YPEL1: variants seen among roughly 807,000 people sequenced by gnomAD.
The protein encoded by YPEL1 is protein yippee-like 1.
A neutral mutation model predicts 17.3 loss-of-function variants in YPEL1; 7 were observed. The observed-to-expected ratio is 0.40, with a 90% CI of 0.23 to 0.76. YPEL1 has a LOEUF of 0.76. Among genes scored for constraint, YPEL1 ranks in the 30% least tolerant of loss-of-function variants. The pLI is 0.35. For synonymous variants in YPEL1, 59 were observed against 59.6 expected (o/e 0.99, Z 0.05); for missense variants, 91 against 155.5 (o/e 0.59, Z 2.21).
chr22:21,712,343 A>C (rs2068174815), intron 1 of YPEL1, among the ~76,000 whole-genome samples: 1 of 145,812 alleles, frequency 6.9e-6, no homozygotes, highest in Non-Finnish European at 1.5e-5. Context: ...CATATTCTCT[A>C]TATATCCTAG....
In YPEL1 at chr22:21,703,608, C is replaced by G; in HGVS notation, c.162-130G>C. ...CAGGGAAACTCCCAGAGAGCAGTGC[C>G]GTGCCTCTCCCCCAGCCCTGCCCGC... On this transcript the variant is annotated intron_variant, in intron 3 of 4. Transcript: ENST00000339468. The surrounding 1 kb of genome is among the most constrained non-coding windows in gnomAD (Gnocchi z 6.1). The G allele has an allele frequency of 1.1e-6, 1 of 891,866 alleles. No individual in the cohort carries two copies. Among genetic ancestry groups the G allele is most frequent in the Non-Finnish European group, 1.7e-6 (1 of 579,288 alleles). 55.2% of individuals were successfully genotyped at this position (891,866 alleles called of 1,614,324 possible). A position where few individuals can be genotyped will look rare whatever the true frequency, so the allele number is the denominator to read the frequency against.
intron 1 of YPEL1, among the ~76,000 whole-genome samples, chr22:21,715,387 G>A (rs1402018068): frequency 1.3e-5 from 2 of 151,434 alleles, no homozygotes; most frequent in African/African-American, 2.4e-5. Flanking sequence ...CCAGCTACTC[G>A]GGAGGCTGAA....
intron 1 of YPEL1, among the ~76,000 whole-genome samples, 168 bp from the exon 2 acceptor site, chr22:21,711,076 T>C (rs1208647022): frequency 2.7e-5 from 4 of 150,352 alleles, no homozygotes; most frequent in African/African-American, 9.8e-5. Flanking sequence ...CAGGCTGGAG[T>C]GCAGTGGCGC....
At position 21,698,261 on chromosome 22, in the gene YPEL1, C is replaced by CAAAAAAAAAA. The variant is rs35100577; in HGVS notation, c.*2858_*2867dup. 3.2e-5 allele frequency: 4 copies of CAAAAAAAAAA among 123,156 alleles called. No homozygotes were observed. The highest frequency in any genetic ancestry group is 6.7e-5 in the Non-Finnish European group (4 of 59,892). 7.6% of individuals were successfully genotyped at this position (123,156 alleles called of 1,614,324 possible). On this transcript the variant is annotated 3_prime_UTR_variant, in exon 5 of 5. Coordinates refer to ENST00000339468, the MANE Select transcript of YPEL1 (RefSeq NM_013313.5). ...ATAAAAGTGTTGTTGGTATAAATTA[C>CAAAAAAAAAA]AAAAAAAAAAAAAAATACAAAAGTC...
At chr22:21,723,258 G>A (rs2148611832) in intron 1 of YPEL1, 1 of 152,442 alleles carries the variant, frequency 6.6e-6, no homozygotes, top group African/African-American at 2.4e-5. Flanking sequence ...GCAGTGGCGT[G>A]ATCTCGGCTC....
intron 2 of YPEL1, chr22:21,704,257 A>G: frequency 1.4e-6 from 1 of 705,016 alleles, no homozygotes; most frequent in South Asian, 1.5e-5. Flanking sequence ...CAGATCCTCA[A>G]AATGCTCTCC....
chr22:21,728,461 T>C (rs2068356669), intron 1 of YPEL1, among the ~76,000 whole-genome samples: 1 of 152,168 alleles, frequency 6.6e-6, no homozygotes, highest in South Asian at 2.1e-4. Context: ...CTGCTCACCA[T>C]ACAAGAATCG....
At chr22:21,704,257 A>C in intron 2 of YPEL1, 1 of 705,018 alleles carries the variant, frequency 1.4e-6, no homozygotes, top group South Asian at 1.5e-5. Flanking sequence ...CAGATCCTCA[A>C]AATGCTCTCC....
chr22:21,711,053 T>A (rs1442167478), intron 1 of YPEL1, 145 bp from the exon 2 acceptor site: 4 of 292,798 alleles, frequency 1.4e-5, no homozygotes, highest in Admixed American at 4.5e-5. Context: ...AGATGGAGTC[T>A]CACTCTGTTG....
rs568526236 is a variant in YPEL1, at chr22:21,708,898, T to G, written c.117+1730A>C. Among the ~76,000 whole-genome samples the G allele has an allele frequency of 2.0e-5, 3 of 152,066 alleles. No individual in the cohort carries two copies. The East Asian group carries it at 5.8e-4, about 29-fold the overall frequency. Reference sequence around the variant, plus strand: ...TGGTCAGGCTGGTCTGGTCTCAAACTCCTGACCTCAAGTGATCCGCCCACC... The same window carrying G: ...TGGTCAGGCTGGTCTGGTCTCAAACGCCTGACCTCAAGTGATCCGCCCACC... On this transcript the variant is annotated intron_variant, in intron 2 of 4. Transcript: ENST00000339468.
chr22:21,705,967 T>TA (rs1259299885), intron 2 of YPEL1, among the ~76,000 whole-genome samples: 7 of 151,524 alleles, frequency 4.6e-5, no homozygotes, highest in Non-Finnish European at 7.4e-5. Flanking sequence ...CCGTCTCTGA[T>TA]AAAAATATAA....
intron 1 of YPEL1, among the ~76,000 whole-genome samples, chr22:21,717,236 C>A (rs927164871): frequency 6.6e-6 from 1 of 151,824 alleles, no homozygotes; most frequent in Non-Finnish European, 1.5e-5. Context: ...ATTAGCCGGG[C>A]GTGGTGGTGT....
At position 21,710,897 on chromosome 22, in the gene YPEL1, G is replaced by T. The variant is rs186536735; in HGVS notation, c.-153C>A. Reference sequence around the variant, plus strand: ...CACTGTCCACACAGCTGGGACGAGAGAAAAACGTAACCTGCCAACCAATCA... The same window carrying T: ...CACTGTCCACACAGCTGGGACGAGATAAAAACGTAACCTGCCAACCAATCA... On this transcript the variant is annotated 5_prime_UTR_variant, in exon 2 of 5. Coordinates refer to ENST00000339468, the MANE Select transcript of YPEL1 (RefSeq NM_013313.5). 2.9e-6 allele frequency: 2 copies of T among 701,280 alleles called. No individual in the cohort carries two copies. The allele number at this position is 701,280 out of a possible 1,614,324, so 43.4% of individuals were successfully genotyped here. A position where few individuals can be genotyped will look rare whatever the true frequency, so the allele number is the denominator to read the frequency against.
intron 1 of YPEL1, among the ~76,000 whole-genome samples, chr22:21,724,362 C>A (rs552952501): frequency 6.6e-6 from 1 of 152,142 alleles, no homozygotes; most frequent in South Asian, 2.1e-4. Context: ...CGTGGTGAAA[C>A]CCCATCTCTA....
chr22:21,724,947 G>A (rs1402524698), intron 1 of YPEL1, among the ~76,000 whole-genome samples: 2 of 147,076 alleles, frequency 1.4e-5, no homozygotes, highest in East Asian at 2.0e-4. Flanking sequence ...CGCTCTTTCC[G>A]CCCAGGCTCG....
chr22:21,707,342 G>A (rs368585164), intron 2 of YPEL1, among the ~76,000 whole-genome samples: 1 of 152,116 alleles, frequency 6.6e-6, no homozygotes. Flanking sequence ...GCTTGAACCC[G>A]GGAGACAGAG....
At chr22:21,711,504 T>C (rs908676000) in intron 1 of YPEL1, among the ~76,000 whole-genome samples, 2 of 152,074 alleles carry the variant, frequency 1.3e-5, no homozygotes, top group East Asian at 1.9e-4. Flanking sequence ...CACCAGGACA[T>C]TGAGGAATGT....
chr22:21,704,286 C>T (rs955135911), intron 2 of YPEL1, among the ~76,000 whole-genome samples: 2 of 152,214 alleles, frequency 1.3e-5, no homozygotes, highest in Admixed American at 1.3e-4. Flanking sequence ...TCTTCTGCAG[C>T]AGTTCAGATG....
intron 1 of YPEL1, among the ~76,000 whole-genome samples, chr22:21,711,380 C>T (rs2148602138): frequency 6.6e-6 from 1 of 152,250 alleles, no homozygotes; most frequent in East Asian, 1.9e-4. Context: ...CTTCTTATAC[C>T]AGGTTTGGCT....
Sources: gnomAD v4.1 joint callset for allele counts (sites outside exome capture counted in the v4.1 genomes callset) on GRCh38, gnomAD v4.1.1 for gene constraint, Gnocchi (gnomAD v3.1) non-coding constraint, MANE v1.5 for transcripts, NCBI Gene and HGNC (gene_info 2026-07-23, HGNC 2026-07-21) for gene names.